Variants in FGL1 observed in about 807,000 individuals in gnomAD.
FGL1 encodes fibrinogen-like protein 1.
Under a neutral mutation model 43.7 loss-of-function variants are expected in FGL1, and 59 were observed. That is an observed-to-expected ratio of 1.35 (90% CI 1.10 to 1.68). FGL1 has a LOEUF of 1.68. FGL1 is among the 40% of genes most tolerant of loss of function. The pLI is 0.00. For missense variants in FGL1, 596 were observed against 373.0 expected, an observed-to-expected ratio of 1.60 and a Z score of -4.92; for synonymous variants, 192 against 126.5, an observed-to-expected ratio of 1.52 and a Z score of -3.48.
At position 17,895,481 on chromosome 8, in the gene FGL1, G is replaced by A. The variant is rs1443644047; in HGVS notation, c.-52C>T. 2 of 1,283,422 alleles carry A rather than the reference G, an allele frequency of 1.6e-6. No individual in the cohort carries two copies. The highest frequency in any genetic ancestry group is 5.6e-5 in the East Asian group (1 of 17,956). 79.5% of individuals were successfully genotyped at this position (1,283,422 alleles called of 1,614,324 possible). The stretch of plus-strand genomic sequence containing the variant: ...GAAGTGAGTCAGAGACCCAGCTCAG[G>A]TTCCATCCAGACACTCTGCTTCCCA... On this transcript the variant is annotated 5_prime_UTR_variant, in exon 1 of 8. Transcript: ENST00000427924.
intron 3 of FGL1, 43 bp downstream of exon 3, chr8:17,881,956 A>G: frequency 6.4e-7 from 1 of 1,559,508 alleles, no homozygotes; most frequent in Non-Finnish European, 8.8e-7. Context: ...ACATGGGTGC[A>G]TAATGTAAGT....
intron 2 of FGL1, chr8:17,882,434 C>G (rs1306921272): frequency 9.3e-6 from 3 of 324,294 alleles, no homozygotes; most frequent in Non-Finnish European, 1.7e-5. Flanking sequence ...ATGCTAGGAG[C>G]TTTATAGTTG....
chr8:17,881,167 T>A (rs2053529871), intron 3 of FGL1, among the ~76,000 whole-genome samples: 1 of 149,824 alleles, frequency 6.7e-6, no homozygotes, highest in African/African-American at 2.5e-5. Context: ...GACAGAGTCT[T>A]ATTGTGTTGC....
At chr8:17,866,470 C>T (rs1441862327) in intron 7 of FGL1, among the ~76,000 whole-genome samples, 9 of 152,190 alleles carry the variant, frequency 5.9e-5, no homozygotes, top group Non-Finnish European at 8.8e-5. Flanking sequence ...TAGTCGAACT[C>T]ACTGATAGTA....
intron 5 of FGL1, among the ~76,000 whole-genome samples, chr8:17,869,802 T>G (rs1482626617): frequency 1.3e-5 from 2 of 152,158 alleles, no homozygotes; most frequent in African/African-American, 2.4e-5. Context: ...GATATCTACA[T>G]GTGAAAGCAT....
chr8:17,866,111 T>C (rs2053265952), intron 7 of FGL1, among the ~76,000 whole-genome samples: 2 of 152,230 alleles, frequency 1.3e-5, no homozygotes, highest in South Asian at 4.1e-4. Context: ...ACTATATTTT[T>C]ATATTTGGTC....
chr8:17,885,630 A>G, intron 1 of FGL1, 59 bp from the exon 2 acceptor site: 1 of 1,433,992 alleles, frequency 7.0e-7, no homozygotes, highest in Non-Finnish European at 9.7e-7. Flanking sequence ...ATGAGACCAG[A>G]GTTCAGACTT....
In FGL1 at chr8:17,880,304, C is replaced by T. The variant is rs143053224; in HGVS notation, c.244+1695G>A. 1.3e-3 allele frequency among the ~76,000 whole-genome samples: 195 copies of T among 152,306 alleles called. 1 individual carries two copies. The highest frequency in any genetic ancestry group is 4.5e-3 in the African/African-American group (185 of 41,570). ...AGGATCTTGGTAGAAAAAAAGGGAG[C>T]ATTTTAAGAGTCTCATGCGCTACAG... is the stretch of plus-strand genomic sequence containing the variant. On this transcript the variant is annotated intron_variant, in intron 3 of 7. Transcript: ENST00000427924.
intron 3 of FGL1, among the ~76,000 whole-genome samples, chr8:17,877,633 G>A (rs548745739): frequency 7.9e-5 from 12 of 152,086 alleles, no homozygotes; most frequent in African/African-American, 2.7e-4. Flanking sequence ...AAAGGATAAA[G>A]GAAGGTGGGT....
At chr8:17,893,062 G>A (rs2053727832) in intron 1 of FGL1, among the ~76,000 whole-genome samples, 1 of 152,134 alleles carries the variant, frequency 6.6e-6, no homozygotes, top group Non-Finnish European at 1.5e-5. Flanking sequence ...TTAGCCAGGT[G>A]TGGTGGCACA....
chr8:17,881,759 G>T (rs1053343633), intron 3 of FGL1, among the ~76,000 whole-genome samples: 3 of 151,102 alleles, frequency 2.0e-5, no homozygotes, highest in African/African-American at 7.3e-5. Context: ...GTGTGAACCT[G>T]GTAGACGGAG....
intron 2 of FGL1, 51 bp downstream of exon 2, chr8:17,885,441 A>C: frequency 1.4e-6 from 2 of 1,443,050 alleles, no homozygotes; most frequent in Non-Finnish European, 1.9e-6. Flanking sequence ...AAGAAAATTC[A>C]GATAAAAGCA....
At chr8:17,879,342 G>T (rs1333959779) in intron 3 of FGL1, among the ~76,000 whole-genome samples, 1 of 151,986 alleles carries the variant, frequency 6.6e-6, no homozygotes, top group Non-Finnish European at 1.5e-5. Context: ...CCCAAAGTCT[G>T]CTCCCCAGCA....
At chr8:17,867,327 C>G (rs986961541) in intron 7 of FGL1, among the ~76,000 whole-genome samples, 1 of 152,040 alleles carries the variant, frequency 6.6e-6, no homozygotes, top group African/African-American at 2.4e-5. Context: ...CCACTGAGTA[C>G]CCACTGCAGT....
chr8:17,880,617 A>G (rs375098456), intron 3 of FGL1, among the ~76,000 whole-genome samples: 1 of 152,200 alleles, frequency 6.6e-6, no homozygotes, highest in African/African-American at 2.4e-5. Context: ...ATAAAAGTAC[A>G]TTAAATATCA....
Position 17,891,704 on chromosome 8 carries a change from C to T in FGL1, c.-18+3743G>A, listed in dbSNP as rs150727973. On this transcript the variant is annotated intron_variant, in intron 1 of 7. Coordinates refer to ENST00000427924, the MANE Select transcript of FGL1 (RefSeq NM_004467.4). ...ACCTGAATTAGAATTGTAGAACTTC[C>T]CAGGATCTGTTATTGTAATTTCACA... is the stretch of plus-strand genomic sequence containing the variant. The T allele has an allele frequency of 6.2e-5, 61 of 985,090 alleles. No homozygotes were observed. The East Asian group carries it at 6.4e-3, about 103-fold the overall frequency. The allele number at this position is 985,090 out of a possible 1,614,324, so 61.0% of individuals were successfully genotyped here.
Position 17,868,946 on chromosome 8 carries a change from T to G in FGL1, c.561A>C (p.Gln187His). ...CATCTCCAACTTTGAAATTCTTATATTGTGCATAACGGCTATTTTTTTCAA... is the reference window on the plus strand; with the variant it reads ...CATCTCCAACTTTGAAATTCTTATAGTGTGCATAACGGCTATTTTTTTCAA... ...ADFEKNSRYA[Q>H]YKNFKVGDEK... The change falls in exon 6 of 8, where the codon CAA (glutamine) becomes CAC (histidine). Residue 187 changes from glutamine (Q) to histidine (H), a missense_variant. By Grantham distance (24) the Gln-to-His change is conservative (BLOSUM62 0). Transcript: ENST00000427924. 1.2e-6 allele frequency: 2 copies of G among 1,604,034 alleles called. No individual in the cohort carries two copies. The highest frequency in any genetic ancestry group is 1.7e-6 in the Non-Finnish European group (2 of 1,176,924).
intron 3 of FGL1, among the ~76,000 whole-genome samples, chr8:17,875,831 T>A (rs2053448235): frequency 6.6e-6 from 1 of 152,088 alleles, no homozygotes; most frequent in South Asian, 2.1e-4. Context: ...GGTCTCAAAC[T>A]CCTGAGGTCA....
chr8:17,888,136 C>A (rs1053813410), intron 1 of FGL1, among the ~76,000 whole-genome samples: 2 of 151,626 alleles, frequency 1.3e-5, no homozygotes, highest in African/African-American at 2.4e-5. Flanking sequence ...AAAATATTTG[C>A]TTATGTTAAA....
Sources: gnomAD v4.1 joint callset for allele counts (sites outside exome capture counted in the v4.1 genomes callset) on GRCh38, gnomAD v4.1.1 for gene constraint, MANE v1.5 for transcripts, NCBI Gene and HGNC (gene_info 2026-07-23, HGNC 2026-07-21) for gene names.